HADH: variants seen among roughly 807,000 people sequenced by gnomAD.
The protein encoded by HADH is hydroxyacyl-CoA dehydrogenase.
HADH carries 24 observed loss-of-function variants against 32.2 expected under a neutral mutation model. The observed-to-expected ratio is 0.75, with a 90% CI of 0.54 to 1.05. HADH has a LOEUF of 1.05. Among genes scored for constraint, HADH ranks in the 50% least tolerant of loss-of-function variants. The pLI, the probability that HADH is intolerant of heterozygous loss-of-function variation, is 0.00. For synonymous variants in HADH, 139 were observed against 152.5 expected, an observed-to-expected ratio of 0.91 and a Z score of 0.65; for missense variants, 350 against 397.1, an observed-to-expected ratio of 0.88 and a Z score of 1.01.
chr4:108,027,324 C>T (rs957895622), intron 5 of HADH: 3 of 370,466 alleles, frequency 8.1e-6, no homozygotes, highest in African/African-American at 4.2e-5. Flanking sequence ...CTGTCACCCC[C>T]AGTTCACAGA....
At chr4:108,022,125 C>T (rs555229878) in intron 4 of HADH, among the ~76,000 whole-genome samples, 4 of 149,630 alleles carry the variant, frequency 2.7e-5, no homozygotes, top group South Asian at 4.2e-4. Context: ...CCTTTGACTC[C>T]GATTGAAGTT....
intron 1 of HADH, among the ~76,000 whole-genome samples, chr4:107,993,382 A>G (rs1215448263): frequency 2.0e-5 from 3 of 152,108 alleles, no homozygotes; most frequent in African/African-American, 7.2e-5. Flanking sequence ...TTATTGTTAA[A>G]CTTTAGTAAA....
intron 6 of HADH, chr4:108,032,342 G>T: frequency 3.1e-6 from 5 of 1,601,780 alleles, no homozygotes; most frequent in Non-Finnish European, 4.3e-6. Flanking sequence ...CAAACGTGTG[G>T]TGATTCTAAC....
chr4:108,029,166 C>G (rs997177566), intron 6 of HADH: 4 of 333,802 alleles, frequency 1.2e-5, no homozygotes, highest in African/African-American at 8.4e-5. Flanking sequence ...TTACCATGTC[C>G]CCCCGCCCAC....
intron 1 of HADH, among the ~76,000 whole-genome samples, chr4:107,992,972 C>T (rs1197475682): frequency 2.0e-5 from 3 of 152,086 alleles, no homozygotes; most frequent in Non-Finnish European, 4.4e-5. Flanking sequence ...AAAAAATTAG[C>T]CAGCATGGTG....
At chr4:108,020,728 G>A (rs1390691755) in intron 4 of HADH, among the ~76,000 whole-genome samples, 1 of 152,162 alleles carries the variant, frequency 6.6e-6, no homozygotes, top group Admixed American at 6.5e-5. Context: ...TTTGTTCTGA[G>A]GTTGAGGAGT....
intron 1 of HADH, among the ~76,000 whole-genome samples, chr4:107,992,668 A>G (rs1188366267): frequency 1.3e-5 from 2 of 152,218 alleles, no homozygotes; most frequent in South Asian, 4.1e-4. Context: ...TCTAAAGTAG[A>G]CTAATGCTAG....
intron 4 of HADH, among the ~76,000 whole-genome samples, chr4:108,021,922 T>C (rs1476118928): frequency 1.3e-5 from 2 of 152,172 alleles, no homozygotes; most frequent in Admixed American, 6.5e-5. Context: ...TGGCCCAGGC[T>C]GTGATCACAC....
intron 6 of HADH, chr4:108,028,101 A>C: frequency 2.7e-6 from 1 of 364,708 alleles, no homozygotes; most frequent in Non-Finnish European, 5.1e-6. Context: ...TCATAATGTA[A>C]AAATCACTAG....
At chr4:108,033,580 C>T (rs780444847) in intron 7 of HADH, among the ~76,000 whole-genome samples, 8 of 152,146 alleles carry the variant, frequency 5.3e-5, no homozygotes, top group Non-Finnish European at 1.0e-4. Flanking sequence ...CAGTTTCCAC[C>T]AGTGGTTATA....
chr4:107,998,456 T>A (rs1470925293), intron 1 of HADH, among the ~76,000 whole-genome samples: 1 of 152,138 alleles, frequency 6.6e-6, no homozygotes, highest in Non-Finnish European at 1.5e-5. Context: ...ATTTTTGTAT[T>A]TTTAGTAGAG....
At chr4:108,004,227 C>G (rs1201281975) in intron 1 of HADH, among the ~76,000 whole-genome samples, 1 of 152,200 alleles carries the variant, frequency 6.6e-6, no homozygotes, top group East Asian at 1.9e-4. Flanking sequence ...GTTCACCTTA[C>G]AAGGCAGGTG....
chr4:107,996,760 G>C lies in HADH; in HGVS notation c.132+6696G>C, dbSNP rs1734969242. The stretch of plus-strand genomic sequence containing the variant: ...AATACAAAAATTAGCTGAGCATGGT[G>C]ACACATGCCTGCAGTCCCAGCTATT... On this transcript the variant is annotated intron_variant, in intron 1 of 7. Transcript: ENST00000309522. Among the ~76,000 whole-genome samples, 2 of 152,096 alleles carry C rather than the reference G, an allele frequency of 1.3e-5. 1 individual carries two copies. Among genetic ancestry groups the C allele is most frequent in the South Asian group, 4.1e-4 (2 of 4,824 alleles).
intron 6 of HADH, chr4:108,028,155 C>G (rs1056334799): frequency 6.9e-5 from 19 of 275,622 alleles, no homozygotes; most frequent in African/African-American, 1.9e-4. Context: ...AAACTTGTGA[C>G]TGACAGGTGA....
At chr4:108,010,422 G>T (rs1436692775) in intron 2 of HADH, among the ~76,000 whole-genome samples, 4 of 152,058 alleles carry the variant, frequency 2.6e-5, no homozygotes. Flanking sequence ...GGGCCATGCT[G>T]TTTTTCAGCG....
Position 108,002,186 on chromosome 4 carries a change from G to A in HADH, c.133-7573G>A, listed in dbSNP as rs182674015. ...AGCAGGGGTCCCCAACTTCTGGTCC[G>A]TGGCCCATTAGGAACCGGGCCACAT... On this transcript the variant is annotated intron_variant, in intron 1 of 7. Coordinates refer to ENST00000309522, the MANE Select transcript of HADH (RefSeq NM_005327.7). Among the ~76,000 whole-genome samples the A allele has an allele frequency of 1.3e-3, 192 of 152,240 alleles. 1 individual carries two copies. Among genetic ancestry groups the A allele is most frequent in the African/African-American group, 4.3e-3 (178 of 41,540 alleles).
intron 1 of HADH, among the ~76,000 whole-genome samples, chr4:107,996,932 T>C (rs906349253): frequency 6.8e-6 from 1 of 147,698 alleles, no homozygotes; most frequent in African/African-American, 2.5e-5. Flanking sequence ...CTGGTTGTGG[T>C]GGTGGTGGTT....
chr4:107,989,892 C>A lies in HADH; in HGVS notation c.-41C>A, dbSNP rs1037114786. 6.2e-7 allele frequency: 1 copy of A among 1,605,018 alleles called. No homozygotes were observed. The highest frequency in any genetic ancestry group is 1.3e-5 in the African/African-American group (1 of 74,732). ...CGCGGCTGCCCGCCTCGCGCGTCTT[C>A]CCTGCCCGGGTCTCCTCGCTGTCGC... On this transcript the variant is annotated 5_prime_UTR_variant, in exon 1 of 8. Transcript: ENST00000309522.
chr4:108,031,864 A>G (rs1029468013), intron 6 of HADH: 1 of 152,786 alleles, frequency 6.5e-6, no homozygotes, highest in South Asian at 2.1e-4. Context: ...GAATGAATGA[A>G]TGACGCTGCC....
Sources: gnomAD v4.1 joint callset for allele counts (sites outside exome capture counted in the v4.1 genomes callset) on GRCh38, gnomAD v4.1.1 for gene constraint, MANE v1.5 for transcripts, NCBI Gene and HGNC (gene_info 2026-07-23, HGNC 2026-07-21) for gene names.